Variants in ANXA4 observed in about 807,000 individuals in gnomAD.
ANXA4 encodes annexin A4, also known as 35-beta calcimedin.
A neutral mutation model predicts 49.8 loss-of-function variants in ANXA4; 39 were observed. The observed-to-expected ratio is 0.78, with a 90% CI of 0.61 to 1.02. ANXA4 has a LOEUF of 1.02. ANXA4 is among the 50% of genes least tolerant of loss of function. The pLI, the probability that ANXA4 is intolerant of heterozygous loss-of-function variation, is 0.00. For missense variants in ANXA4, 360 were observed against 410.1 expected (o/e 0.88, Z 1.05); for synonymous variants, 134 against 152.5 (o/e 0.88, Z 0.89).
At chr2:69,650,724 G>A (rs1676202401) in intron 1 of ANXA4, among the ~76,000 whole-genome samples, 1 of 152,190 alleles carries the variant, frequency 6.6e-6, no homozygotes, top group African/African-American at 2.4e-5. Context: ...AAAGGCTTGG[G>A]ATTACAGGCA....
chr2:69,777,398 T>C (rs571939969), intron 1 of ANXA4, among the ~76,000 whole-genome samples: 6 of 152,132 alleles, frequency 3.9e-5, no homozygotes, highest in Non-Finnish European at 8.8e-5. Context: ...CCCCATCCTA[T>C]AGTTATCTGG....
Position 69,708,825 on chromosome 2 carries a change from T to C in ANXA4, n.767-11949T>C, listed in dbSNP as rs187370235. On this transcript the variant is annotated intron_variant and non_coding_transcript_variant, in intron 2 of 3. Transcript: ENST00000418066. ...TGAGGCCAGGAGTTCGAAACCAGCCTGGTCAACATGGTGAAACCCTGTCTC... is the reference window on the plus strand; with the variant it reads ...TGAGGCCAGGAGTTCGAAACCAGCCCGGTCAACATGGTGAAACCCTGTCTC... 3.3e-5 allele frequency among the ~76,000 whole-genome samples: 5 copies of C among 151,814 alleles called. No homozygotes were observed. In the East Asian group the frequency reaches 9.7e-4, roughly 30 times the overall value.
intron 2 of ANXA4, among the ~76,000 whole-genome samples, chr2:69,676,670 G>A (rs1269029205): frequency 1.3e-5 from 2 of 152,138 alleles, no homozygotes; most frequent in Admixed American, 6.6e-5. Context: ...CAAGGCTGGC[G>A]GATCATGAGG....
rs184171655 is a variant in ANXA4, at chr2:69,788,565, C to T, written c.97+424C>T. Among the ~76,000 whole-genome samples the T allele has an allele frequency of 4.8e-3, 724 of 149,444 alleles. 4 individuals carry two copies. The highest frequency in any genetic ancestry group is 0.017 in the African/African-American group (674 of 40,406). ...AAAAAAGAAAGAAAGAGGCTGGGCA[C>T]GGTGGCTCACGCCTGTAATCCCAGC... On this transcript the variant is annotated intron_variant, in intron 3 of 12. Coordinates refer to ENST00000394295, the MANE Select transcript of ANXA4 (RefSeq NM_001153.5).
chr2:69,717,998 T>C (rs535379315), intron 2 of ANXA4, among the ~76,000 whole-genome samples: 92 of 152,180 alleles, frequency 6.0e-4, no homozygotes, highest in Non-Finnish European at 1.1e-3. Context: ...ACCCTAAGGC[T>C]GTATGTCTAG....
chr2:69,775,439 T>C (rs1671924773), intron 1 of ANXA4, among the ~76,000 whole-genome samples: 1 of 152,242 alleles, frequency 6.6e-6, no homozygotes, highest in African/African-American at 2.4e-5. Flanking sequence ...CATGGTATGC[T>C]ACTCCGTACC....
intron 2 of ANXA4, among the ~76,000 whole-genome samples, chr2:69,787,021 G>A (rs781636850): frequency 7.2e-5 from 11 of 152,046 alleles, no homozygotes; most frequent in African/African-American, 1.2e-4. Flanking sequence ...CACCACATCC[G>A]GCCTGTTTCT....
intron 2 of ANXA4, among the ~76,000 whole-genome samples, chr2:69,783,836 G>A (rs931276842): frequency 1.3e-5 from 2 of 152,144 alleles, no homozygotes; most frequent in Admixed American, 1.3e-4. Context: ...GCCTGTTCTA[G>A]AACATCCTAT....
At chr2:69,647,356 T>A (rs1046252787) in intron 1 of ANXA4, among the ~76,000 whole-genome samples, 15 of 149,874 alleles carry the variant, frequency 1.0e-4, no homozygotes, top group South Asian at 4.1e-4. Flanking sequence ...ATTTAAAAAA[T>A]ATATATATAT....
chr2:69,739,756 A>T (rs893033740), upstream of ANXA4, among the ~76,000 whole-genome samples: 2 of 152,042 alleles, frequency 1.3e-5, no homozygotes, highest in South Asian at 4.1e-4. Flanking sequence ...TTGGAGTGGA[A>T]TTTCAACAAT....
chr2:69,720,138 G>A (rs918158718), intron 2 of ANXA4, among the ~76,000 whole-genome samples: 3 of 152,158 alleles, frequency 2.0e-5, no homozygotes, highest in Non-Finnish European at 2.9e-5. Context: ...ATGTAATTCC[G>A]ATTCAATTCA....
upstream of ANXA4, among the ~76,000 whole-genome samples, chr2:69,737,275 G>A (rs1670269874): frequency 6.6e-6 from 1 of 152,118 alleles, no homozygotes; most frequent in Non-Finnish European, 1.5e-5. Flanking sequence ...TCACAATGTT[G>A]CCTTGGTGTG....
At chr2:69,748,517 CTT>C (rs1670712781) in intron 1 of ANXA4, among the ~76,000 whole-genome samples, 2 of 150,200 alleles carry the variant, frequency 1.3e-5, no homozygotes, top group South Asian at 2.1e-4. Flanking sequence ...TTATAACTAT[CTT>C]TTATAAATTA....
At chr2:69,764,314 C>T (rs116316311) in intron 1 of ANXA4, among the ~76,000 whole-genome samples, 44 of 152,270 alleles carry the variant, frequency 2.9e-4, no homozygotes, top group African/African-American at 1.1e-3. Flanking sequence ...CATGTTTCCT[C>T]GAGGGACTTT....
chr2:69,745,900 A>G (rs1319277866), intron 1 of ANXA4, among the ~76,000 whole-genome samples: 1 of 152,184 alleles, frequency 6.6e-6, no homozygotes, highest in African/African-American at 2.4e-5. Flanking sequence ...AGCATTAATA[A>G]AAACATATCA....
At chr2:69,704,519 G>A (rs778995908) in intron 2 of ANXA4, among the ~76,000 whole-genome samples, 1 of 152,188 alleles carries the variant, frequency 6.6e-6, no homozygotes, top group South Asian at 2.1e-4. Flanking sequence ...ATAGACGAGA[G>A]TGGCTTCACT....
chr2:69,818,796 T>G (rs1482749153), intron 10 of ANXA4, 102 bp downstream of exon 10: 1 of 719,974 alleles, frequency 1.4e-6, no homozygotes, highest in Non-Finnish European at 2.3e-6. Context: ...AGATAAAAGT[T>G]GTTTATCATG....
intron 2 of ANXA4, among the ~76,000 whole-genome samples, chr2:69,664,253 T>A (rs1676850962): frequency 6.6e-6 from 1 of 152,208 alleles, no homozygotes; most frequent in Non-Finnish European, 1.5e-5. Context: ...TTCAAAATAT[T>A]TATCTTCCAT....
chr2:69,724,991 G>A (rs1669923630), intron 3 of ANXA4, among the ~76,000 whole-genome samples: 1 of 152,206 alleles, frequency 6.6e-6, no homozygotes, highest in South Asian at 2.1e-4. Flanking sequence ...TTTATTGAGT[G>A]GAATAATTGT....
Sources: gnomAD v4.1 joint callset for allele counts (sites outside exome capture counted in the v4.1 genomes callset) on GRCh38, gnomAD v4.1.1 for gene constraint, MANE v1.5 for transcripts, NCBI Gene and HGNC (gene_info 2026-07-23, HGNC 2026-07-21) for gene names.